MUC5B: variants seen among roughly 807,000 people sequenced by gnomAD.
The protein encoded by MUC5B is mucin 5B, oligomeric mucus/gel-forming.
Under a neutral mutation model 376.9 loss-of-function variants are expected in MUC5B, and 116 were observed. The ratio of observed to expected loss-of-function variants is 0.31; its 90% CI spans 0.26 to 0.36. MUC5B has a LOEUF of 0.36. Ranked by LOEUF, MUC5B falls within the 10% of genes least tolerant of loss-of-function variation. MUC5B has a pLI of 1.00. For synonymous variants in MUC5B, 3,517 were observed against 3,390.9 expected (o/e 1.04, Z -1.29); for missense variants, 7,165 against 7,769.9 (o/e 0.92, Z 2.93).
At chr11:1,252,657 C>T (rs964399539) in intron 32 of MUC5B, 133 bp downstream of exon 32, 1 of 1,373,180 alleles carries the variant, frequency 7.3e-7, no homozygotes, top group Non-Finnish European at 9.7e-7. Context: ...GGAGGAGGCA[C>T]ACAGGGCCTA....
At chr11:1,226,308 G>T in intron 3 of MUC5B, 32 bp downstream of exon 3, 1 of 1,548,046 alleles carries the variant, frequency 6.5e-7, no homozygotes, top group East Asian at 2.4e-5. Context: ...CAGCCGGGAA[G>T]GGGGTGTTTG....
chr11:1,247,277 C>T lies in MUC5B; in HGVS notation c.10397C>T (p.Thr3466Met), dbSNP rs762917439. Residue 3466 changes from threonine (T) to methionine (M), a missense_variant, in exon 31 of 49, where the codon ACG becomes ATG. This residue lies in a region of MUC5B where 939 missense variants were observed against 770.6 expected (regional missense o/e 1.22). Transcript: ENST00000529681. ...TCCCTGCCCCCCAGCAGTCCCCACACGGTGCGCACAGCCTGGACTTCGGCC... is the reference window on the plus strand; with the variant it reads ...TCCCTGCCCCCCAGCAGTCCCCACATGGTGCGCACAGCCTGGACTTCGGCC... ...GRSLPPSSPH[T>M]VRTAWTSATS... is the part of the protein sequence containing the mutation. The T allele has an allele frequency of 3.9e-5, 63 of 1,612,028 alleles. No individual in the cohort carries two copies. Among genetic ancestry groups the T allele is most frequent in the South Asian group, 1.1e-4 (10 of 90,988 alleles).
chr11:1,227,239 G>A, intron 5 of MUC5B, 69 bp from the exon 6 acceptor site: 1 of 1,573,344 alleles, frequency 6.4e-7, no homozygotes, highest in Non-Finnish European at 8.7e-7. Flanking sequence ...GGGGTCACGG[G>A]GCTTGGGGCA....
At position 1,253,030 on chromosome 11, in the gene MUC5B, G is replaced by C. The variant is rs1411286524; in HGVS notation, c.15217+50G>C. ...TTACCCCGGGGGCAGGTGGAGCAGA[G>C]TGCACCGTCGGCTAGGCTGGCAGAA... On this transcript the variant is annotated intron_variant, in intron 33 of 48. Transcript: ENST00000529681. The surrounding 1 kb of genome is among the most constrained non-coding windows in gnomAD (Gnocchi z 4.3). 1.2e-6 allele frequency: 2 copies of C among 1,605,862 alleles called. No individual in the cohort carries two copies. Among genetic ancestry groups the C allele is most frequent in the African/African-American group, 2.7e-5 (2 of 74,846 alleles).
intron 9 of MUC5B, 106 bp downstream of exon 9, chr11:1,229,401 G>A: frequency 7.5e-7 from 1 of 1,335,358 alleles, no homozygotes; most frequent in South Asian, 1.5e-5. Context: ...ATGCCAGAAG[G>A]TCCCACCAGA....
rs1312437519 is a variant in MUC5B, at chr11:1,260,649, A to C, written c.16990A>C (p.Thr5664Pro). The change falls in exon 48 of 49, where the codon ACG (threonine) becomes CCG (proline). Residue 5664 changes from threonine to proline, a missense_variant. Physicochemically the swap from Thr to Pro is conservative, Grantham distance 38. Coordinates refer to ENST00000529681, the MANE Select transcript of MUC5B (RefSeq NM_002458.3). ...EEDSCQVRIN[T>P]TILWHQGCET... Reference sequence around the variant, plus strand: ...AGACTCCTGTCAAGTCCGCATCAACACGACCATCCTGTGGCACCAGGGCTG... The same window carrying C: ...AGACTCCTGTCAAGTCCGCATCAACCCGACCATCCTGTGGCACCAGGGCTG... 1 of 1,612,536 alleles carries C rather than the reference A, an allele frequency of 6.2e-7. No individual in the cohort carries two copies. Among genetic ancestry groups the C allele is most frequent in the Non-Finnish European group, 8.5e-7 (1 of 1,179,760 alleles).
intron 3 of MUC5B, 74 bp downstream of exon 3, chr11:1,226,350 G>C (rs1184482939): frequency 6.6e-7 from 1 of 1,510,730 alleles, no homozygotes; most frequent in Non-Finnish European, 9.0e-7. Context: ...CAGATCTAGG[G>C]GTGCAGCTGC....
At chr11:1,254,549 A>G in intron 34 of MUC5B, 145 bp from the exon 35 acceptor site, 1 of 1,184,940 alleles carries the variant, frequency 8.4e-7, no homozygotes, top group Non-Finnish European at 1.2e-6. Context: ...TGGAGACTCC[A>G]GGCCCCCAGG....
chr11:1,228,705 T>G lies in MUC5B; in HGVS notation c.916T>G (p.Ser306Ala), dbSNP rs975651201. Residue 306 changes from serine (S) to alanine (A), a missense_variant, in exon 8 of 49, where the codon TCA (serine) becomes GCA (alanine). Ser to Ala is a moderately conservative substitution (Grantham distance 99). This residue lies in a region of MUC5B where 640 missense variants were observed against 733.0 expected (regional missense o/e 0.87). Coordinates refer to ENST00000529681, the MANE Select transcript of MUC5B (RefSeq NM_002458.3). ...CCCGTGTGCCACCTTTGTGGAATAC[T>G]CACGCCAGTGCGCCCACGCGGGGGG... ...TCPCATFVEY[S>A]RQCAHAGGQP... is the part of the protein sequence containing the mutation. The G allele has an allele frequency of 1.3e-6, 2 of 1,532,494 alleles. No individual in the cohort carries two copies. Among genetic ancestry groups the G allele is most frequent in the African/African-American group, 2.7e-5 (2 of 72,932 alleles). 94.9% of individuals were successfully genotyped at this position (1,532,494 alleles called of 1,614,324 possible).
chr11:1,231,899 G>A (rs1387670902), intron 14 of MUC5B, 97 bp from the exon 15 acceptor site: 1 of 1,512,786 alleles, frequency 6.6e-7, no homozygotes, highest in African/African-American at 1.4e-5. Flanking sequence ...AGGGCTCCCA[G>A]CCGTTCCACC....
intron 2 of MUC5B, 104 bp downstream of exon 2, chr11:1,225,841 A>T (rs748833266): frequency 2.2e-4 from 248 of 1,134,496 alleles, no homozygotes; most frequent in Non-Finnish European, 3.1e-4. Flanking sequence ...TGCGTCTGAC[A>T]GAGACCCTCC....
In MUC5B at chr11:1,239,490, G is replaced by C. The variant is rs1564937293; in HGVS notation, c.3507G>C (p.Gln1169His). 3.7e-6 allele frequency: 6 copies of C among 1,606,888 alleles called. No homozygotes were observed. The highest frequency in any genetic ancestry group is 4.3e-6 in the Non-Finnish European group (5 of 1,175,252). The change falls in exon 27 of 49, where the codon CAG becomes CAC. Residue 1169 changes from glutamine (Q) to histidine (H), a missense_variant. Physicochemically the swap from Gln to His is conservative, Grantham distance 24 (BLOSUM62 0). Coordinates refer to ENST00000529681, the MANE Select transcript of MUC5B (RefSeq NM_002458.3). ...NPHGGCEWHY[Q>H]PCGAPCLKTC... is the part of the protein sequence containing the mutation. ...ATGGGGGCTGTGAGTGGCACTACCA[G>C]CCCTGCGGGGCACCCTGCCTAAAAA...
chr11:1,254,445 G>A lies in MUC5B; in HGVS notation c.15477+94G>A, dbSNP rs1300902793. 52 of 1,510,190 alleles carry A rather than the reference G, an allele frequency of 3.4e-5. 1 individual carries two copies. Among genetic ancestry groups the A allele is most frequent in the African/African-American group, 4.1e-5 (3 of 73,026 alleles). The allele number at this position is 1,510,190 out of a possible 1,614,324, so 93.5% of individuals were successfully genotyped here. ...GCCGGGGTGACCCAGGTGCCGCAGC[G>A]ATGGCCCAGTGCCCAAGACAGCTCC... On this transcript the variant is annotated intron_variant, in intron 34 of 48. Transcript: ENST00000529681.
Position 1,231,577 on chromosome 11 carries a change from G to T in MUC5B, c.1678+17G>T. The T allele has an allele frequency of 1.3e-6, 2 of 1,556,364 alleles. No homozygotes were observed. The highest frequency in any genetic ancestry group is 1.2e-5 in the South Asian group (1 of 85,030). On this transcript the variant is annotated intron_variant, in intron 14 of 48. Coordinates refer to ENST00000529681, the MANE Select transcript of MUC5B (RefSeq NM_002458.3). The stretch of plus-strand genomic sequence containing the variant: ...AGATGTGCGGTGAGGCTGGGCAGGG[G>T]CCTTCGGGGACAGGGCCATTGGGGA...
At position 1,258,198 on chromosome 11, in the gene MUC5B, G is replaced by A. The variant is rs146071144; in HGVS notation, c.16550G>A (p.Arg5517His). 22 of 1,590,704 alleles carry A rather than the reference G, an allele frequency of 1.4e-5. No individual in the cohort carries two copies. The highest frequency in any genetic ancestry group is 7.1e-5 in the Admixed American group (4 of 56,604). The stretch of plus-strand genomic sequence containing the variant: ...GAGGGCGACTGCTGTCCCACCTTCC[G>A]CTGCAGTGAGCGGGGCTGGGGCCGG... ...QEEGDCCPTF[R>H]CRPQLCSYNG... Residue 5517 changes from arginine to histidine, a missense_variant, in exon 42 of 49, where the codon CGC becomes CAC. Physicochemically the swap from Arg to His is conservative, Grantham distance 29 (BLOSUM62 0). This residue lies in a region of MUC5B where 842 missense variants were observed against 1,016.9 expected (regional missense o/e 0.83). Transcript: ENST00000529681. The surrounding 1 kb of genome is among the most constrained non-coding windows in gnomAD (Gnocchi z 5.5).
intron 11 of MUC5B, 34 bp downstream of exon 11, chr11:1,230,177 G>A (rs1861991380): frequency 2.6e-6 from 4 of 1,561,162 alleles, no homozygotes; most frequent in Non-Finnish European, 3.5e-6. Flanking sequence ...CAGACACCCA[G>A]ACCCTCCTGG....
chr11:1,257,968 T>C lies in MUC5B; in HGVS notation c.16451-131T>C. 3 of 1,027,610 alleles carry C rather than the reference T, an allele frequency of 2.9e-6. No homozygotes were observed. Among genetic ancestry groups the C allele is most frequent in the African/African-American group, 1.6e-5 (1 of 62,634 alleles). 63.7% of individuals were successfully genotyped at this position (1,027,610 alleles called of 1,614,324 possible). On this transcript the variant is annotated intron_variant, in intron 41 of 48. Coordinates refer to ENST00000529681, the MANE Select transcript of MUC5B (RefSeq NM_002458.3). The surrounding 1 kb of genome is among the most constrained non-coding windows in gnomAD (Gnocchi z 8.9). ...CGGGGAGGTGGCCAAGCAAGGGGCCTGGAGGGAGCCCCCAGGGGCTGTGAA... is the reference window on the plus strand; with the variant it reads ...CGGGGAGGTGGCCAAGCAAGGGGCCCGGAGGGAGCCCCCAGGGGCTGTGAA...
Position 1,230,962 on chromosome 11 carries a change from C to T in MUC5B, c.1497C>T (p.Gly499=), listed in dbSNP as rs377351415. The T allele has an allele frequency of 2.2e-3, 3,438 of 1,596,910 alleles. 2 individuals carry two copies. Among genetic ancestry groups the T allele is most frequent in the Non-Finnish European group, 2.7e-3 (3,138 of 1,173,284 alleles). The part of the protein sequence containing the change: ...DTAIRVQADG[G]VFLNSIYTQL... ...CCATCCGGGTCCAAGCGGACGGCGG[C>T]GTGTTCCTCAACTCCATCTACACGC... The change falls in exon 13 of 49, where the codon GGC becomes GGT. Residue 499 remains glycine, a synonymous_variant. Coordinates refer to ENST00000529681, the MANE Select transcript of MUC5B (RefSeq NM_002458.3).
In MUC5B at chr11:1,243,754, C is replaced by T. The variant is rs541896355; in HGVS notation, c.6874C>T (p.Arg2292Cys). 67 of 1,611,720 alleles carry T rather than the reference C, an allele frequency of 4.2e-5. No individual in the cohort carries two copies. The East Asian group carries it at 8.7e-4, about 21-fold the overall frequency. Reference sequence around the variant, plus strand: ...AGCCACGGCCACACCCAGCAAGACCCGCACCTCGACCCTGCTGCCCAGCAG... The same window carrying T: ...AGCCACGGCCACACCCAGCAAGACCTGCACCTCGACCCTGCTGCCCAGCAG... ...TTATATPSKT[R>C]TSTLLPSSPT... Residue 2292 changes from arginine to cysteine, a missense_variant, in exon 31 of 49, where the codon CGC becomes TGC. Transcript: ENST00000529681.
Sources: gnomAD v4.1 joint callset for allele counts on GRCh38, gnomAD v4.1.1 for gene constraint, gnomAD v4.1.1 regional missense constraint, Gnocchi (gnomAD v3.1) non-coding constraint, MANE v1.5 for transcripts, NCBI Gene and HGNC (gene_info 2026-07-23, HGNC 2026-07-21) for gene names.